DCP1A: variants seen among roughly 807,000 people sequenced by gnomAD.
DCP1A encodes the protein decapping mRNA 1A, also known as mRNA-decapping enzyme 1A.
Under a neutral mutation model 58.0 loss-of-function variants are expected in DCP1A, and 20 were observed. That is an observed-to-expected ratio of 0.34 (90% CI 0.24 to 0.50). DCP1A has a LOEUF of 0.50. DCP1A is among the 20% of genes least tolerant of loss of function. The probability of loss-of-function intolerance (pLI) is 0.98; values close to 1 mark genes in which losing one functional copy is unlikely to be tolerated. For synonymous variants in DCP1A, 285 were observed against 275.1 expected, an observed-to-expected ratio of 1.04 and a Z score of -0.36; for missense variants, 613 against 712.2, an observed-to-expected ratio of 0.86 and a Z score of 1.59.
chr3:53,312,277 C>T lies in DCP1A; in HGVS notation c.474G>A (p.Leu158=). 2.5e-6 allele frequency: 4 copies of T among 1,612,998 alleles called. No individual in the cohort carries two copies. Among genetic ancestry groups the T allele is most frequent in the Non-Finnish European group, 3.4e-6 (4 of 1,179,464 alleles). The part of the protein sequence containing the change: ...GCSDHRPIDI[L]EMLSRAKDEY... ...CATCCTTGGCTCTGCTCAGCATCTC[C>T]AGGATGTCGATGGGCCTGTGGTCGC... Residue 158 remains leucine, a synonymous_variant, in exon 5 of 10, where the codon CTG becomes CTA. Coordinates refer to ENST00000610213, the MANE Select transcript of DCP1A (RefSeq NM_018403.7).
At chr3:53,320,606 A>G (rs1707935872) in intron 3 of DCP1A, among the ~76,000 whole-genome samples, 1 of 152,234 alleles carries the variant, frequency 6.6e-6, no homozygotes, top group Non-Finnish European at 1.5e-5. Flanking sequence ...ATGCAACTGT[A>G]AAGAACAGAC....
chr3:53,342,384 A>G, intron 2 of DCP1A, 113 bp from the exon 3 acceptor site: 1 of 816,488 alleles, frequency 1.2e-6, no homozygotes, highest in Non-Finnish European at 1.9e-6. Flanking sequence ...AACATTATAC[A>G]ATATTATCAG....
At chr3:53,303,052 C>G (rs554715985) in intron 6 of DCP1A, among the ~76,000 whole-genome samples, 1 of 151,990 alleles carries the variant, frequency 6.6e-6, no homozygotes, top group Non-Finnish European at 1.5e-5. Flanking sequence ...TGAGCTCAAG[C>G]GAGGCTCCTA....
chr3:53,304,281 C>T lies in DCP1A; in HGVS notation c.520G>A (p.Gly174Ser). Reference sequence around the variant, plus strand: ...CCAGGGCTGGAGATATTTGAGTCACCCATCTGATTCTTTAAAAAGTTAAAA... The same window carrying T: ...CCAGGGCTGGAGATATTTGAGTCACTCATCTGATTCTTTAAAAAGTTAAAA... ...AKDEYERNQM[G>S]DSNISSPGLQ... Residue 174 changes from glycine to serine, a missense_variant, in exon 6 of 10, where the codon GGT becomes AGT. Coordinates refer to ENST00000610213, the MANE Select transcript of DCP1A (RefSeq NM_018403.7). 1 of 1,605,756 alleles carries T rather than the reference C, an allele frequency of 6.2e-7. No individual in the cohort carries two copies. The highest frequency in any genetic ancestry group is 1.3e-5 in the African/African-American group (1 of 74,248).
In DCP1A at chr3:53,347,510, G is replaced by C. The variant is rs555794342; in HGVS notation, c.8C>G (p.Ala3Gly). The C allele has an allele frequency of 6.2e-7, 1 of 1,611,268 alleles. No individual in the cohort carries two copies. The highest frequency in any genetic ancestry group is 1.7e-5 in the Admixed American group (1 of 59,610). The change falls in exon 1 of 10, where the codon GCG (alanine) becomes GGG (glycine). Residue 3 changes from alanine (A) to glycine (G), a missense_variant. This residue lies in a region of DCP1A where 50 missense variants were observed against 37.0 expected (regional missense o/e 1.35). Transcript: ENST00000610213. ...CATCTCCTGCCCAGCTCGACTCAGC[G>C]CCTCCATCTTGAATCCCAGAGCCTA... MEALSRAGQEMSL... is the reference protein window; with the variant it reads MEGLSRAGQEMSL...
At chr3:53,322,744 G>C (rs978892449) in intron 3 of DCP1A, among the ~76,000 whole-genome samples, 1 of 151,508 alleles carries the variant, frequency 6.6e-6, no homozygotes, top group Non-Finnish European at 1.5e-5. Flanking sequence ...CCTGAAGGAA[G>C]TCCAGGCTCA....
chr3:53,308,138 G>A (rs1707529976), intron 5 of DCP1A, among the ~76,000 whole-genome samples: 1 of 151,572 alleles, frequency 6.6e-6, no homozygotes, highest in South Asian at 2.1e-4. Context: ...ATTTCTAGGT[G>A]GTAGAACTAT....
chr3:53,329,213 A>G, intron 3 of DCP1A: 1 of 395,138 alleles, frequency 2.5e-6, no homozygotes, highest in African/African-American at 2.1e-5. Flanking sequence ...TTGCCCTTGA[A>G]CTGAGAAAGG....
intron 1 of DCP1A, among the ~76,000 whole-genome samples, chr3:53,347,022 C>A (rs989313685): frequency 2.6e-5 from 4 of 152,084 alleles, no homozygotes; most frequent in Non-Finnish European, 4.4e-5. Flanking sequence ...ATCCGCAAAG[C>A]CTCAAACACA....
chr3:53,299,680 G>GT (rs782255154), intron 6 of DCP1A, among the ~76,000 whole-genome samples: 8 of 152,206 alleles, frequency 5.3e-5, no homozygotes, highest in Non-Finnish European at 5.9e-5. Flanking sequence ...GAAATGGAAT[G>GT]TAATACTATT....
At position 53,292,238 on chromosome 3, in the gene DCP1A, T is replaced by C; in HGVS notation, c.1214A>G (p.Asp405Gly). The C allele has an allele frequency of 6.2e-7, 1 of 1,613,996 alleles. No individual in the cohort carries two copies. Among genetic ancestry groups the C allele is most frequent in the Non-Finnish European group, 8.5e-7 (1 of 1,179,892 alleles). ...LQKLRLTPQH[D>G]QIQTQPLGKG... ...CCCAAGTGGTTGTGTCTGTATTTGG[T>C]CATGCTGTGGGGTCAACCTGAGTTT... The change falls in exon 7 of 10, where the codon GAC becomes GGC. Residue 405 changes from aspartate to glycine, a missense_variant. This residue lies in a region of DCP1A where 498 missense variants were observed against 556.7 expected (regional missense o/e 0.89). Transcript: ENST00000610213.
At chr3:53,296,791 G>A (rs1351067838) in intron 6 of DCP1A, among the ~76,000 whole-genome samples, 2 of 152,338 alleles carry the variant, frequency 1.3e-5, no homozygotes, top group East Asian at 3.9e-4. Flanking sequence ...GGACACTGGA[G>A]TTCTTGAGAT....
At chr3:53,298,654 A>G (rs558155810) in intron 6 of DCP1A, among the ~76,000 whole-genome samples, 4 of 152,358 alleles carry the variant, frequency 2.6e-5, no homozygotes, top group Admixed American at 6.5e-5. Context: ...CCATATGGAG[A>G]TGTCAATTCA....
At chr3:53,339,776 C>A (rs1228872345) in intron 3 of DCP1A, among the ~76,000 whole-genome samples, 1 of 152,058 alleles carries the variant, frequency 6.6e-6, no homozygotes, top group Non-Finnish European at 1.5e-5. Context: ...GTAACTGGGT[C>A]CGGATAACTT....
chr3:53,340,698 A>G (rs1312031826), intron 3 of DCP1A, among the ~76,000 whole-genome samples: 2 of 152,176 alleles, frequency 1.3e-5, no homozygotes, highest in Admixed American at 6.5e-5. Flanking sequence ...ACCAGTTTTC[A>G]TATCCCTATA....
intron 3 of DCP1A, among the ~76,000 whole-genome samples, chr3:53,338,738 G>A (rs2089156925): frequency 6.6e-6 from 1 of 151,632 alleles, no homozygotes; most frequent in Admixed American, 6.6e-5. Flanking sequence ...GTGGGCGCCT[G>A]TAGTCCCAGC....
chr3:53,333,142 G>GTTTTT (rs1559703731), intron 3 of DCP1A: 1 of 148,204 alleles, frequency 6.7e-6, no homozygotes, highest in Non-Finnish European at 1.5e-5. Context: ...GCAGGGTTTT[G>GTTTTT]GTTTTTTTTT....
chr3:53,319,293 A>T (rs1393907116), intron 4 of DCP1A, 114 bp downstream of exon 4: 2 of 631,374 alleles, frequency 3.2e-6, no homozygotes, highest in Non-Finnish European at 5.3e-6. Context: ...TGGCAGTAAA[A>T]AGAAATTGGG....
At chr3:53,290,767 A>G in intron 8 of DCP1A, 24 bp downstream of exon 8, 1 of 1,496,238 alleles carries the variant, frequency 6.7e-7, no homozygotes, top group South Asian at 1.3e-5. Context: ...AAAAAAAAAA[A>G]AAAAAAAAAA....
Sources: gnomAD v4.1 joint callset for allele counts (sites outside exome capture counted in the v4.1 genomes callset) on GRCh38, gnomAD v4.1.1 for gene constraint, gnomAD v4.1.1 regional missense constraint, MANE v1.5 for transcripts, NCBI Gene and HGNC (gene_info 2026-07-23, HGNC 2026-07-21) for gene names.